Variants in RAB31 observed in about 807,000 individuals in gnomAD.
RAB31 encodes RAB31, member RAS oncogene family.
Under a neutral mutation model 25.6 loss-of-function variants are expected in RAB31, and 21 were observed. That is an observed-to-expected ratio of 0.82 (90% confidence interval 0.58 to 1.18). RAB31 has a LOEUF of 1.18. RAB31 is among the 50% of genes most tolerant of loss of function. The pLI is 0.00. For synonymous variants in RAB31, 87 were observed against 84.0 expected (o/e 1.04, Z -0.20); for missense variants, 196 against 250.1 (o/e 0.78, Z 1.46).
rs148029445 is a variant in RAB31, at chr18:9,840,433, C to T, written c.381-5149C>T. Among the ~76,000 whole-genome samples the T allele has an allele frequency of 1.4e-3, 213 of 152,246 alleles. 1 individual carries two copies. The highest frequency in any genetic ancestry group is 4.7e-3 in the African/African-American group (195 of 41,544). On this transcript the variant is annotated intron_variant, in intron 5 of 6. Coordinates refer to ENST00000578921, the MANE Select transcript of RAB31 (RefSeq NM_006868.4). ...CCGTACCCTCCCATAATCGTAATGA[C>T]GGGAGGCCTGTGGTGGCAGCCTTTC...
chr18:9,751,748 G>A (rs756711275), intron 1 of RAB31, among the ~76,000 whole-genome samples: 88 of 152,304 alleles, frequency 5.8e-4, no homozygotes, highest in Admixed American at 4.2e-3. Flanking sequence ...ATGATGTAAC[G>A]GCAAAGTGAA....
intron 6 of RAB31, chr18:9,849,611 A>G (rs1406951927): frequency 6.6e-6 from 1 of 152,236 alleles, no homozygotes; most frequent in Non-Finnish European, 1.5e-5. Flanking sequence ...GTGTCTGGTG[A>G]CTCTTGGTAA....
In RAB31 at chr18:9,724,294, AAAAAC is replaced by A. The variant is rs1211529127; in HGVS notation, c.39+15852_39+15856del. Among the ~76,000 whole-genome samples, 284 of 151,510 alleles carry A rather than the reference AAAAAC, an allele frequency of 1.9e-3. 2 individuals are homozygous for A. The highest frequency in any genetic ancestry group is 6.6e-3 in the African/African-American group (272 of 41,230). On this transcript the variant is annotated intron_variant, in intron 1 of 6. Coordinates refer to ENST00000578921, the MANE Select transcript of RAB31 (RefSeq NM_006868.4). ...TCAAAAAAAAAAAAAAAAACAAAAAAAAAACATTATTATTGAAATGATACTTCACA... is the reference window on the plus strand; with the variant it reads ...TCAAAAAAAAAAAAAAAAACAAAAAAATTATTATTGAAATGATACTTCACA...
chr18:9,742,031 C>T (rs2068182212), intron 1 of RAB31, among the ~76,000 whole-genome samples: 1 of 152,192 alleles, frequency 6.6e-6, no homozygotes, highest in Admixed American at 6.5e-5. Flanking sequence ...CCCCAGCCCT[C>T]CCAGCACTGG....
At chr18:9,802,920 C>T (rs1321690437) in intron 3 of RAB31, among the ~76,000 whole-genome samples, 2 of 151,352 alleles carry the variant, frequency 1.3e-5, no homozygotes, top group Admixed American at 6.6e-5. Context: ...AAAAGTGGTT[C>T]ACTATTCATA....
At chr18:9,797,855 AC>A (rs1470814066) in intron 3 of RAB31, among the ~76,000 whole-genome samples, 1 of 152,248 alleles carries the variant, frequency 6.6e-6, no homozygotes, top group African/African-American at 2.4e-5. Flanking sequence ...TTTAACACTT[AC>A]CTCTAACAGG....
At chr18:9,854,228 G>T (rs1409479674) in intron 6 of RAB31, among the ~76,000 whole-genome samples, 1 of 152,016 alleles carries the variant, frequency 6.6e-6, no homozygotes, top group African/African-American at 2.4e-5. Context: ...AACACGTGGT[G>T]TTTGGTTTTC....
intron 2 of RAB31, among the ~76,000 whole-genome samples, chr18:9,790,622 C>T (rs1380264764): frequency 6.6e-6 from 1 of 152,172 alleles, no homozygotes; most frequent in Admixed American, 6.5e-5. Flanking sequence ...TCTCTTTCCT[C>T]TCAATCTAGA....
At chr18:9,753,730 C>A (rs1269953397) in intron 1 of RAB31, among the ~76,000 whole-genome samples, 1 of 152,134 alleles carries the variant, frequency 6.6e-6, no homozygotes, top group Non-Finnish European at 1.5e-5. Context: ...TTGGCTCTAA[C>A]CCCATTTCTA....
intron 1 of RAB31, among the ~76,000 whole-genome samples, chr18:9,745,299 G>A (rs889967435): frequency 1.3e-5 from 2 of 152,268 alleles, no homozygotes. Context: ...AGGAGAATCA[G>A]TAATCAAAAA....
chr18:9,832,701 C>T (rs2068685216), intron 5 of RAB31, among the ~76,000 whole-genome samples: 1 of 152,216 alleles, frequency 6.6e-6, no homozygotes. Context: ...AACAGGGAAT[C>T]AGGACATGGC....
At chr18:9,774,800 C>T in intron 1 of RAB31, 1 of 511,350 alleles carries the variant, frequency 2.0e-6, no homozygotes, top group South Asian at 1.4e-5. Flanking sequence ...CCATCAGATT[C>T]TACAGAGAAA....
At chr18:9,727,324 T>C (rs1893128) in intron 1 of RAB31, among the ~76,000 whole-genome samples, 88,828 of 152,052 alleles carry the variant, frequency 0.58, 26,902 homozygotes, top group Non-Finnish European at 0.67. Flanking sequence ...TATTTTGCTT[T>C]GTTTTGTTTA....
intron 1 of RAB31, among the ~76,000 whole-genome samples, chr18:9,724,642 A>G (rs1178237633): frequency 3.9e-5 from 6 of 152,220 alleles, no homozygotes; most frequent in Admixed American, 3.9e-4. Flanking sequence ...ATTGAGAAGG[A>G]TTGGTACATA....
rs536550997 is a variant in RAB31 at position 9,799,083 on chromosome 18, CA to C, written c.201+6858del. 3.6e-3 allele frequency among the ~76,000 whole-genome samples: 535 copies of C among 150,126 alleles called. 4 individuals carry two copies. Among genetic ancestry groups the C allele is most frequent in the African/African-American group, 0.012 (508 of 41,076 alleles). ...TGGGTGAAAGAGCAAGACTCCACCT[CA>C]AAAAAAAAATTTGTTAGAGATGAGG... On this transcript the variant is annotated intron_variant, in intron 3 of 6. Coordinates refer to ENST00000578921, the MANE Select transcript of RAB31 (RefSeq NM_006868.4).
At chr18:9,821,652 A>G (rs1388530177) in intron 5 of RAB31, among the ~76,000 whole-genome samples, 1 of 152,150 alleles carries the variant, frequency 6.6e-6, no homozygotes, top group Non-Finnish European at 1.5e-5. Flanking sequence ...AGATTTCTAT[A>G]TATTAATACT....
chr18:9,768,856 T>G (rs946073304), intron 1 of RAB31, among the ~76,000 whole-genome samples: 1 of 152,220 alleles, frequency 6.6e-6, no homozygotes, highest in African/African-American at 2.4e-5. Context: ...TAATCCATCT[T>G]GAGTTAACTT....
intron 5 of RAB31, among the ~76,000 whole-genome samples, chr18:9,821,506 G>A (rs1228024565): frequency 6.6e-6 from 1 of 151,968 alleles, no homozygotes; most frequent in African/African-American, 2.4e-5. Context: ...CTTTTAAAAT[G>A]TTAAAAAAGT....
chr18:9,845,469 T>A, intron 5 of RAB31, 113 bp from the exon 6 acceptor site: 1 of 908,178 alleles, frequency 1.1e-6, no homozygotes, highest in Non-Finnish European at 1.6e-6. Flanking sequence ...ATTGAATTAT[T>A]ATTCTACAAG....
Sources: gnomAD v4.1 joint callset for allele counts (sites outside exome capture counted in the v4.1 genomes callset) on GRCh38, gnomAD v4.1.1 for gene constraint, MANE v1.5 for transcripts, NCBI Gene and HGNC (gene_info 2026-07-23, HGNC 2026-07-21) for gene names.